Variants in RNF213 observed in about 807,000 individuals in gnomAD.
RNF213 encodes the protein E3 ubiquitin-protein ligase RNF213.
RNF213 carries 341 observed loss-of-function variants against 514.4 expected under a neutral mutation model. The observed-to-expected ratio is 0.66, with a 90% CI of 0.61 to 0.73. RNF213 has a LOEUF of 0.73. RNF213 is among the 30% of genes least tolerant of loss of function. The pLI, the probability that RNF213 is intolerant of heterozygous loss-of-function variation, is 0.00. For missense variants in RNF213, 5,767 were observed against 6,615.6 expected, an observed-to-expected ratio of 0.87 and a Z score of 4.45; for synonymous variants, 2,655 against 2,658.2, an observed-to-expected ratio of 1.00 and a Z score of 0.04.
intron 67 of RNF213, among the ~76,000 whole-genome samples, chr17:80,390,786 G>A (rs1457692456): frequency 4.6e-5 from 7 of 152,186 alleles, no homozygotes; most frequent in Non-Finnish European, 7.4e-5. Flanking sequence ...ATCCTAGGCC[G>A]GGTGTGGAGG....
At chr17:80,336,797 TGGA>T (rs2077999861) in intron 23 of RNF213, 1 of 335,158 alleles carries the variant, frequency 3.0e-6, no homozygotes, top group African/African-American at 2.2e-5. Flanking sequence ...CCAGCTACTC[TGGA>T]GGCTGAGACA....
In RNF213 at chr17:80,346,901, C is replaced by G; in HGVS notation, c.8566C>G (p.Pro2856Ala). The G allele has an allele frequency of 6.2e-7, 1 of 1,614,056 alleles. No individual in the cohort carries two copies. The highest frequency in any genetic ancestry group is 8.5e-7 in the Non-Finnish European group (1 of 1,179,986). ...VGLAEDSPKM[P>A]LKTLHPLLED... The stretch of plus-strand genomic sequence containing the variant: ...GCTGGCGGAAGACTCACCCAAAATG[C>G]CCCTGAAGACTCTGCACCCGCTGCT... The change falls in exon 29 of 68, where the codon CCC (proline) becomes GCC (alanine). Residue 2856 changes from proline to alanine, a missense_variant. Transcript: ENST00000582970. This position sits in a 1 kb window ranked among gnomAD's most constrained non-coding sequence, Gnocchi z 8.1.
chr17:80,371,028 A>G (rs532940245), intron 46 of RNF213, among the ~76,000 whole-genome samples: 11 of 152,124 alleles, frequency 7.2e-5, no homozygotes, highest in Non-Finnish European at 1.6e-4. Context: ...TTTAAAACGT[A>G]GAATACAAAT....
rs764327290 is a variant in RNF213 at position 80,348,128 on chromosome 17, G to C, written c.9793G>C (p.Asp3265His). ...GATCCTGCTGAACTGCGCTACGCCC[G>C]ATGCCGTGGTCCGGCTGAGCGCCTA... ...KSILLNCATP[D>H]AVVRLSAYSL... Residue 3265 changes from aspartate to histidine, a missense_variant, in exon 29 of 68, where the codon GAT becomes CAT. Physicochemically the swap from Asp to His is moderately conservative, Grantham distance 81. Transcript: ENST00000582970. The C allele has an allele frequency of 6.2e-7, 1 of 1,614,122 alleles. No homozygotes were observed.
chr17:80,268,860 G>A (rs1200856498), intron 2 of RNF213, among the ~76,000 whole-genome samples: 1 of 152,180 alleles, frequency 6.6e-6, no homozygotes, highest in Admixed American at 6.6e-5. Context: ...GAAGTCCCAT[G>A]GTAGGCCGTC....
Position 80,346,355 on chromosome 17 carries a change from A to C in RNF213, c.8020A>C (p.Asn2674His). ...AFLSKSSVSKNHTERDPVLWS... is the reference protein window; with the variant it reads ...AFLSKSSVSKHHTERDPVLWS... ...TCTCTCCAAGTCCAGCGTCAGCAAA[A>C]ATCACACCGAGAGAGATCCCGTCCT... The change falls in exon 29 of 68, where the codon AAT becomes CAT. Residue 2674 changes from asparagine (N) to histidine (H), a missense_variant. Physicochemically the swap from Asn to His is moderately conservative, Grantham distance 68 (BLOSUM62 1). Coordinates refer to ENST00000582970, the MANE Select transcript of RNF213 (RefSeq NM_001256071.3). The surrounding 1 kb of genome is among the most constrained non-coding windows in gnomAD (Gnocchi z 8.1). 1 of 1,613,422 alleles carries C rather than the reference A, an allele frequency of 6.2e-7. No homozygotes were observed. Among genetic ancestry groups the C allele is most frequent in the Non-Finnish European group, 8.5e-7 (1 of 1,179,970 alleles).
chr17:80,352,764 A>G (rs938020040), intron 32 of RNF213, 176 bp from the exon 33 acceptor site: 1 of 876,552 alleles, frequency 1.1e-6, no homozygotes. Context: ...GGTCGTGTAT[A>G]GTATCGGGTT....
intron 42 of RNF213, 79 bp downstream of exon 42, chr17:80,364,632 C>T (rs2079187394): frequency 6.3e-6 from 10 of 1,575,168 alleles, no homozygotes; most frequent in Middle Eastern, 1.7e-4. Context: ...CAGTGATCTG[C>T]GGCTGGGAGA....
At position 80,291,794 on chromosome 17, in the gene RNF213, CTGTT is replaced by C; in HGVS notation, c.1439_1442del (p.Leu480ProfsTer2). ...GAAGGGCGAGTACGTCAACCGCTGT[CTGTT>C]CATAAAATCTTCACTTCTGGGCTCA... is the stretch of plus-strand genomic sequence containing the variant. On this transcript the variant is annotated frameshift_variant, in exon 8 of 68. Transcript: ENST00000582970. LOFTEE classifies it high-confidence loss of function. 15 of 1,614,260 alleles carry C rather than the reference CTGTT, an allele frequency of 9.3e-6. No homozygotes were observed. The highest frequency in any genetic ancestry group is 1.3e-5 in the Non-Finnish European group (15 of 1,180,052).
chr17:80,396,058 T>A lies in RNF213; in HGVS notation c.*2560T>A, dbSNP rs776006527. 2.0e-5 allele frequency: 3 copies of A among 152,242 alleles called. No homozygotes were observed. Among genetic ancestry groups the A allele is most frequent in the African/African-American group, 7.2e-5 (3 of 41,448 alleles). 9.4% of individuals were successfully genotyped at this position (152,242 alleles called of 1,614,324 possible). On this transcript the variant is annotated 3_prime_UTR_variant, in exon 68 of 68. Coordinates refer to ENST00000582970, the MANE Select transcript of RNF213 (RefSeq NM_001256071.3). ...TCTGCTTTCAGCCCTACCTTGGTGG[T>A]GATTTACCTGAAAATCTTCACAACT...
intron 38 of RNF213, 161 bp downstream of exon 38, chr17:80,360,367 G>A (rs944402190): frequency 1.9e-5 from 15 of 803,204 alleles, no homozygotes; most frequent in South Asian, 7.6e-5. Flanking sequence ...ACGTCACCGC[G>A]TCATTTTAAA....
At position 80,344,825 on chromosome 17, in the gene RNF213, T is replaced by G. The variant is rs777311458; in HGVS notation, c.6490T>G (p.Phe2164Val). Residue 2164 changes from phenylalanine (F) to valine (V), a missense_variant, in exon 29 of 68, where the codon TTC becomes GTC. Transcript: ENST00000582970. ...TCTGTGGGAGTTCTGCAGCGAAACT[T>G]TCCAAAGACCTTACCAGTATTTAAG... ...MDLWEFCSET[F>V]QRPYQYLRRF... The G allele has an allele frequency of 4.8e-5, 78 of 1,613,988 alleles. No homozygotes were observed. Among genetic ancestry groups the G allele is most frequent in the Non-Finnish European group, 6.6e-5 (78 of 1,180,030 alleles).
At chr17:80,260,970 G>A (rs1964963885) in intron 1 of RNF213, 68 bp downstream of exon 1, 1 of 151,592 alleles carries the variant, frequency 6.6e-6, no homozygotes. Context: ...CCCGCGGGCC[G>A]GCGGGCCGGG....
At position 80,280,151 on chromosome 17, in the gene RNF213, G is replaced by A. The variant is rs114971648; in HGVS notation, c.261+6747G>A. 4.9e-3 allele frequency among the ~76,000 whole-genome samples: 754 copies of A among 152,364 alleles called. 7 individuals are homozygous for A. The highest frequency in any genetic ancestry group is 0.017 in the African/African-American group (725 of 41,586). On this transcript the variant is annotated intron_variant, in intron 3 of 67. Coordinates refer to ENST00000582970, the MANE Select transcript of RNF213 (RefSeq NM_001256071.3). ...CTGCAGCTCCTGGGAAATGCAGGCA[G>A]CGTCCACACGGGGCTGGACTTAGCC...
intron 49 of RNF213, 74 bp downstream of exon 49, chr17:80,373,239 C>T: frequency 1.5e-6 from 2 of 1,295,502 alleles, no homozygotes; most frequent in Non-Finnish European, 2.1e-6. Flanking sequence ...ACACACCCCC[C>T]TACCCTCACA....
chr17:80,383,976 C>T (rs746803857), intron 59 of RNF213, 48 bp downstream of exon 59: 2 of 1,612,622 alleles, frequency 1.2e-6, no homozygotes, highest in South Asian at 2.2e-5. Flanking sequence ...TGCAGAGTTC[C>T]CCAGCAGGCC....
chr17:80,332,759 G>A, intron 21 of RNF213, 128 bp downstream of exon 21: 1 of 1,114,832 alleles, frequency 9.0e-7, no homozygotes, highest in Non-Finnish European at 1.2e-6. Flanking sequence ...GGGCTCCTGT[G>A]TGTGTGGTAC....
In RNF213 at chr17:80,363,297, C is replaced by T. The variant is rs528998140; in HGVS notation, c.11551C>T (p.Leu3851=). 8.7e-6 allele frequency: 14 copies of T among 1,613,796 alleles called. No homozygotes were observed. The highest frequency in any genetic ancestry group is 1.6e-4 in the Middle Eastern group (1 of 6,084). Residue 3851 remains leucine, a synonymous_variant, in exon 40 of 68, where the codon CTG becomes TTG. Transcript: ENST00000582970. The stretch of plus-strand genomic sequence containing the variant: ...GATGGAAGCCCGTTGGAACCATGAG[C>T]TGGCTGGATGTGAGATGGTATGGCC... The part of the protein sequence containing the change: ...SLMEARWNHE[L]AGCEMTLDAF...
At chr17:80,327,478 CAA>C (rs941105944) in intron 18 of RNF213, among the ~76,000 whole-genome samples, 28 of 73,326 alleles carry the variant, frequency 3.8e-4, no homozygotes, top group East Asian at 3.8e-4. Context: ...GAGACCCTGT[CAA>C]AAAAAAAAAA....
Sources: gnomAD v4.1 joint callset for allele counts (sites outside exome capture counted in the v4.1 genomes callset) on GRCh38, gnomAD v4.1.1 for gene constraint, Gnocchi (gnomAD v3.1) non-coding constraint, MANE v1.5 for transcripts, NCBI Gene and HGNC (gene_info 2026-07-23, HGNC 2026-07-21) for gene names.